Variants in PRIM2 observed in about 807,000 individuals in gnomAD.
PRIM2 encodes the protein DNA primase large subunit.
A neutral mutation model predicts 67.3 loss-of-function variants in PRIM2; 39 were observed. The observed-to-expected ratio is 0.58, with a 90% CI of 0.45 to 0.76. The LOEUF (loss-of-function observed/expected upper bound fraction) is 0.76, where lower values mean the gene tolerates loss of function less well. Among genes scored for constraint, PRIM2 ranks in the 30% least tolerant of loss-of-function variants. The pLI is 0.00. For synonymous variants in PRIM2, 143 were observed against 198.7 expected (o/e 0.72, Z 2.36); for missense variants, 398 against 598.7 (o/e 0.66, Z 3.50).
intron 7 of PRIM2, among the ~76,000 whole-genome samples, chr6:57,451,451 C>T (rs573753984): frequency 3.3e-5 from 5 of 152,096 alleles, no homozygotes; most frequent in Non-Finnish European, 7.4e-5. Context: ...GATATAGTAA[C>T]ATTGTAGTAC....
chr6:57,539,612 TTGTGTGTGTGTGTG>T (rs1232932730), intron 10 of PRIM2, among the ~76,000 whole-genome samples: 9 of 129,352 alleles, frequency 7.0e-5, no homozygotes, highest in East Asian at 2.2e-4. Context: ...ATTATATTCT[TTGTGTGTGTGTGTG>T]TGTGTGTGTG....
chr6:57,480,092 T>C (rs1773578421), intron 7 of PRIM2, among the ~76,000 whole-genome samples: 2 of 152,032 alleles, frequency 1.3e-5, no homozygotes, highest in Non-Finnish European at 2.9e-5. Flanking sequence ...TCTTGTGGGC[T>C]GAGAGTTGGT....
At chr6:57,536,024 GA>G (rs1774994639) in intron 9 of PRIM2, among the ~76,000 whole-genome samples, 1 of 152,228 alleles carries the variant, frequency 6.6e-6, no homozygotes, top group Non-Finnish European at 1.5e-5. Context: ...ATGGTCTCAT[GA>G]AAAGGAGCTG....
At chr6:57,486,953 T>C (rs1488130473) in intron 7 of PRIM2, among the ~76,000 whole-genome samples, 1 of 152,232 alleles carries the variant, frequency 6.6e-6, no homozygotes, top group African/African-American at 2.4e-5. Context: ...TTGTTTTTCA[T>C]ATTCAGAAAA....
intron 12 of PRIM2, among the ~76,000 whole-genome samples, chr6:57,611,523 T>A (rs1483953937): frequency 6.6e-6 from 1 of 152,092 alleles, no homozygotes; most frequent in Non-Finnish European, 1.5e-5. Flanking sequence ...AATAAGGAAA[T>A]GGTAATGTGG....
intron 10 of PRIM2, among the ~76,000 whole-genome samples, chr6:57,541,199 G>A (rs1487761795): frequency 6.6e-6 from 1 of 152,120 alleles, no homozygotes; most frequent in Non-Finnish European, 1.5e-5. Flanking sequence ...GTAAACTTAC[G>A]GTATCGATCA....
intron 7 of PRIM2, among the ~76,000 whole-genome samples, chr6:57,480,471 C>T (rs1773592843): frequency 6.6e-6 from 1 of 152,132 alleles, no homozygotes; most frequent in East Asian, 1.9e-4. Context: ...GTTTCACATG[C>T]ACTTGTGTGT....
chr6:57,224,165 G>C, the PRIM2 span, among the ~76,000 whole-genome samples: 17 of 152,170 alleles, frequency 1.1e-4, 1 homozygote, highest in Admixed American at 1.0e-3. Flanking sequence ...CCCAGGTGTG[G>C]CGAGGTATCC....
At chr6:57,293,021 G>A in the PRIM2 span, among the ~76,000 whole-genome samples, 2 of 152,134 alleles carry the variant, frequency 1.3e-5, no homozygotes, top group African/African-American at 2.4e-5. Flanking sequence ...CTTCTGCACA[G>A]CAAAAGAAAC....
At chr6:57,635,174 T>C (rs1777098029) in intron 13 of PRIM2, among the ~76,000 whole-genome samples, 1 of 152,148 alleles carries the variant, frequency 6.6e-6, no homozygotes, top group South Asian at 2.1e-4. Context: ...TTTTTGGTAA[T>C]ACCAGCTGCC....
At chr6:57,281,347 T>C in the PRIM2 span, among the ~76,000 whole-genome samples, 1 of 152,196 alleles carries the variant, frequency 6.6e-6, no homozygotes, top group Non-Finnish European at 1.5e-5. Flanking sequence ...CGTTCTGTTT[T>C]CAGGTTTTAG....
At chr6:57,454,007 A>C (rs2127392259) in intron 7 of PRIM2, among the ~76,000 whole-genome samples, 1 of 152,262 alleles carries the variant, frequency 6.6e-6, no homozygotes, top group African/African-American at 2.4e-5. Flanking sequence ...GGGTTGTCGA[A>C]TTTTGTCAAA....
chr6:57,297,100 T>C, the PRIM2 span, among the ~76,000 whole-genome samples: 1 of 152,038 alleles, frequency 6.6e-6, no homozygotes, highest in African/African-American at 2.4e-5. Flanking sequence ...ACATGCTCTC[T>C]TTTTTTTAAC....
At chr6:57,636,089 C>T (rs1777116216) in intron 13 of PRIM2, among the ~76,000 whole-genome samples, 1 of 152,126 alleles carries the variant, frequency 6.6e-6, no homozygotes, top group African/African-American at 2.4e-5. Context: ...AATCCAAATG[C>T]TTCACAGAAT....
At chr6:57,278,612 A>G in the PRIM2 span, among the ~76,000 whole-genome samples, 5 of 152,308 alleles carry the variant, frequency 3.3e-5, no homozygotes, top group Middle Eastern at 3.4e-3. Context: ...ACACCAAAAT[A>G]TCTGTGACAT....
At chr6:57,343,468 T>G (rs961287999) in intron 5 of PRIM2, among the ~76,000 whole-genome samples, 39 of 152,204 alleles carry the variant, frequency 2.6e-4, no homozygotes, top group African/African-American at 8.9e-4. Flanking sequence ...TTTTTATATC[T>G]TTTGACACAG....
chr6:57,391,986 T>C (rs1490908264), intron 7 of PRIM2, among the ~76,000 whole-genome samples: 3 of 152,230 alleles, frequency 2.0e-5, no homozygotes, highest in South Asian at 4.1e-4. Flanking sequence ...TTTAATGATA[T>C]TGACTTTTCC....
chr6:57,470,122 C>T (rs1773299535), intron 7 of PRIM2, among the ~76,000 whole-genome samples: 1 of 152,108 alleles, frequency 6.6e-6, no homozygotes, highest in Admixed American at 6.5e-5. Context: ...ATTCTGCTTC[C>T]TAAAACAATA....
intron 7 of PRIM2, among the ~76,000 whole-genome samples, chr6:57,456,003 T>C (rs1389908054): frequency 3.9e-5 from 6 of 152,164 alleles, no homozygotes; most frequent in Admixed American, 3.9e-4. Flanking sequence ...TCTCTCAGCA[T>C]TTGCTTGTCT....
Sources: allele counts gnomAD v4.1 joint callset (sites outside exome capture counted in the v4.1 genomes callset), GRCh38; gene constraint gnomAD v4.1.1; transcripts MANE v1.5; gene names NCBI Gene and HGNC (gene_info 2026-07-23, HGNC 2026-07-21).